Variants in FBXL7 observed in about 807,000 individuals in gnomAD.
FBXL7 encodes the protein F-box and leucine rich repeat protein 7.
FBXL7 carries 12 observed loss-of-function variants against 38.3 expected under a neutral mutation model. That is an observed-to-expected ratio of 0.31 (90% CI 0.20 to 0.51). The LOEUF (loss-of-function observed/expected upper bound fraction) is 0.51. Among genes scored for constraint, FBXL7 ranks in the 20% least tolerant of loss-of-function variants. FBXL7 has a pLI of 0.98. For synonymous variants in FBXL7, 297 were observed against 300.9 expected (o/e 0.99, Z 0.13); for missense variants, 567 against 676.4 (o/e 0.84, Z 1.79).
chr5:15,890,035 A>C (rs1213988408), intron 2 of FBXL7, among the ~76,000 whole-genome samples: 1 of 152,056 alleles, frequency 6.6e-6, no homozygotes, highest in Non-Finnish European at 1.5e-5. Context: ...GGCCTATCAG[A>C]CTTCATTCTC....
At chr5:15,538,531 T>C (rs1737650054) in intron 1 of FBXL7, among the ~76,000 whole-genome samples, 1 of 152,114 alleles carries the variant, frequency 6.6e-6, no homozygotes, top group Admixed American at 6.6e-5. Flanking sequence ...AGAATAATTG[T>C]TTTTTGCTAA....
chr5:15,647,855 A>G (rs1265257062), intron 2 of FBXL7, among the ~76,000 whole-genome samples: 1 of 152,232 alleles, frequency 6.6e-6, no homozygotes, highest in Non-Finnish European at 1.5e-5. Context: ...AGGCAGAAGT[A>G]CTTTGCCCAA....
At chr5:15,755,654 C>A (rs1168234416) in intron 2 of FBXL7, among the ~76,000 whole-genome samples, 1 of 152,198 alleles carries the variant, frequency 6.6e-6, no homozygotes, top group African/African-American at 2.4e-5. Flanking sequence ...AAAGCACATC[C>A]AGTAGAAATA....
At chr5:15,523,794 A>G (rs755476739) in intron 1 of FBXL7, among the ~76,000 whole-genome samples, 3 of 152,144 alleles carry the variant, frequency 2.0e-5, no homozygotes, top group Non-Finnish European at 4.4e-5. Context: ...TTCCACTCAC[A>G]TCCTCTTGCC....
At chr5:15,719,613 A>G (rs1177897424) in intron 2 of FBXL7, among the ~76,000 whole-genome samples, 3 of 149,234 alleles carry the variant, frequency 2.0e-5, no homozygotes, top group African/African-American at 4.9e-5. Context: ...ACAATCAAAT[A>G]GATTGAAACA....
chr5:15,933,367 T>C (rs1173989421), intron 3 of FBXL7, among the ~76,000 whole-genome samples: 2 of 152,228 alleles, frequency 1.3e-5, no homozygotes, highest in East Asian at 3.8e-4. Context: ...TTTGCTAATT[T>C]TGTTTCTAAA....
At chr5:15,501,324 C>T (rs1580339703) in intron 1 of FBXL7, 6 of 654,734 alleles carry the variant, frequency 9.2e-6, no homozygotes, top group Non-Finnish European at 1.1e-5. Context: ...GAAATATTGC[C>T]TGTCAAGTGG....
rs147763944 is a variant in FBXL7 at position 15,755,356 on chromosome 5, C to A, written c.127+139284C>A. Among the ~76,000 whole-genome samples, 353 of 152,124 alleles carry A rather than the reference C, an allele frequency of 2.3e-3. 3 individuals are homozygous for A. Among genetic ancestry groups the A allele is most frequent in the African/African-American group, 8.1e-3 (336 of 41,528 alleles). On this transcript the variant is annotated intron_variant, in intron 2 of 3. Coordinates refer to ENST00000504595, the MANE Select transcript of FBXL7 (RefSeq NM_012304.5). ...AGAATTGAAAACATGAATGAATAGGCATGAAAGATGGATTTCCAAAGACCA... is the reference window on the plus strand; with the variant it reads ...AGAATTGAAAACATGAATGAATAGGAATGAAAGATGGATTTCCAAAGACCA...
intron 2 of FBXL7, among the ~76,000 whole-genome samples, chr5:15,760,656 G>T (rs1455239509): frequency 6.6e-6 from 1 of 152,118 alleles, no homozygotes; most frequent in Non-Finnish European, 1.5e-5. Flanking sequence ...CATCTTTGCA[G>T]TACAAAGATG....
chr5:15,613,438 G>A (rs1740323631), intron 1 of FBXL7, among the ~76,000 whole-genome samples: 1 of 152,180 alleles, frequency 6.6e-6, no homozygotes, highest in Admixed American at 6.5e-5. Flanking sequence ...GGCTGGTTAG[G>A]CAAAAACAAA....
At chr5:15,931,164 TTAA>T (rs1178982327) in intron 3 of FBXL7, among the ~76,000 whole-genome samples, 1 of 152,242 alleles carries the variant, frequency 6.6e-6, no homozygotes, top group Non-Finnish European at 1.5e-5. Context: ...TTACCTTTTA[TTAA>T]TAGTAGCATT....
Position 15,500,441 on chromosome 5 carries a change from G to GT in FBXL7, c.-235dup. 1.9e-6 allele frequency: 1 copy of GT among 522,334 alleles called. No individual in the cohort carries two copies. The highest frequency in any genetic ancestry group is 3.3e-6 in the Non-Finnish European group (1 of 300,144). The allele number at this position is 522,334 out of a possible 1,614,324, so 32.4% of individuals were successfully genotyped here. A position where few individuals can be genotyped will look rare whatever the true frequency, so the allele number is the denominator to read the frequency against. On this transcript the variant is annotated 5_prime_UTR_variant, in exon 1 of 4. The change abolishes the stop of an existing upstream ORF in the 5' untranslated region. Transcript: ENST00000504595. ...CGCCCGCCGGCCCCCAGCGCGGATT[G>GT]TAAGTGCTGCAGCTGTGCCCGGCCC...
chr5:15,830,315 C>G (rs1738420714), intron 2 of FBXL7, among the ~76,000 whole-genome samples: 1 of 152,056 alleles, frequency 6.6e-6, no homozygotes, highest in African/African-American at 2.4e-5. Context: ...AAAACCCCAT[C>G]TCTACTAAAA....
chr5:15,698,120 G>T (rs1240092114), intron 2 of FBXL7, among the ~76,000 whole-genome samples: 1 of 152,152 alleles, frequency 6.6e-6, no homozygotes, highest in East Asian at 1.9e-4. Flanking sequence ...TAAGCCAGGG[G>T]AAGAGGGATA....
intron 2 of FBXL7, among the ~76,000 whole-genome samples, chr5:15,887,800 A>G (rs2126363525): frequency 6.6e-6 from 1 of 152,330 alleles, no homozygotes; most frequent in South Asian, 2.1e-4. Context: ...GTGCATTAGT[A>G]TATGTGAAAC....
chr5:15,922,044 A>G (rs1287630849), intron 2 of FBXL7, among the ~76,000 whole-genome samples: 1 of 152,184 alleles, frequency 6.6e-6, no homozygotes, highest in Non-Finnish European at 1.5e-5. Context: ...TCATTACAGC[A>G]CTGTTCACAA....
chr5:15,782,569 A>G (rs1188252669), intron 2 of FBXL7, among the ~76,000 whole-genome samples: 1 of 152,130 alleles, frequency 6.6e-6, no homozygotes, highest in Admixed American at 6.5e-5. Flanking sequence ...CACTTCTCTA[A>G]TGACCAGTGA....
intron 1 of FBXL7, chr5:15,607,067 T>C (rs1420835992): frequency 6.6e-6 from 1 of 152,198 alleles, no homozygotes; most frequent in African/African-American, 2.4e-5. Flanking sequence ...TATTTCAAGA[T>C]ACCAGTCAGG....
chr5:15,887,374 G>A (rs1241894811), intron 2 of FBXL7, among the ~76,000 whole-genome samples: 2 of 152,160 alleles, frequency 1.3e-5, no homozygotes, highest in South Asian at 2.1e-4. Context: ...GGGCAAGCAG[G>A]AGAATGGATG....
Sources: allele counts gnomAD v4.1 joint callset (sites outside exome capture counted in the v4.1 genomes callset), GRCh38; gene constraint gnomAD v4.1.1; transcripts MANE v1.5; gene names NCBI Gene and HGNC (gene_info 2026-07-23, HGNC 2026-07-21).